The following ARMC3 variants were observed in gnomAD, a reference collection of about 807,000 sequenced individuals.
The protein encoded by ARMC3 is armadillo repeat-containing protein 3.
In ARMC3, 74 loss-of-function variants were observed where a neutral mutation model predicts 90.3. The ratio of observed to expected loss-of-function variants is 0.82; its 90% CI spans 0.68 to 0.99. ARMC3 has a LOEUF of 0.99. ARMC3 is among the 50% of genes least tolerant of loss of function. The pLI is 0.00. For synonymous variants in ARMC3, 334 were observed against 361.8 expected (o/e 0.92, Z 0.87); for missense variants, 958 against 1,042.8 (o/e 0.92, Z 1.12).
intron 3 of ARMC3, chr10:22,955,489 A>G (rs1362098836): frequency 5.0e-6 from 1 of 200,454 alleles, no homozygotes; most frequent in African/African-American, 2.3e-5. Flanking sequence ...TGACAAAAAT[A>G]CAGCAGGATA....
chr10:22,995,109 G>A (rs924177339), intron 10 of ARMC3, among the ~76,000 whole-genome samples: 16 of 152,100 alleles, frequency 1.1e-4, no homozygotes, highest in African/African-American at 3.6e-4. Flanking sequence ...TATACTATTT[G>A]GGAAACCAAA....
At chr10:22,937,178 C>T (rs1425870873) in intron 2 of ARMC3, among the ~76,000 whole-genome samples, 1 of 152,162 alleles carries the variant, frequency 6.6e-6, no homozygotes, top group East Asian at 1.9e-4. Context: ...GCTGTGATTA[C>T]AAGCATGACT....
rs1391614745 is a variant in ARMC3, at chr10:22,952,738, AG to A, written c.167-3068del. Reference sequence around the variant, plus strand: ...AAGGCAAGAAAGAAAGAAATCTGCAAGTCAGTATGCCTTATTAACATAGATG... The same window carrying A: ...AAGGCAAGAAAGAAAGAAATCTGCAATCAGTATGCCTTATTAACATAGATG... On this transcript the variant is annotated intron_variant, in intron 3 of 18. Coordinates refer to ENST00000298032, the MANE Select transcript of ARMC3 (RefSeq NM_173081.5). 7.2e-5 allele frequency among the ~76,000 whole-genome samples: 11 copies of A among 152,102 alleles called. No individual in the cohort carries two copies. The East Asian group carries it at 2.1e-3, about 29-fold the overall frequency.
chr10:23,004,700 T>C (rs780385976), intron 13 of ARMC3, among the ~76,000 whole-genome samples: 7 of 152,094 alleles, frequency 4.6e-5, no homozygotes, highest in Non-Finnish European at 7.4e-5. Context: ...CAGGAAGCAC[T>C]CCATCGTGGT....
intron 3 of ARMC3, among the ~76,000 whole-genome samples, chr10:22,950,043 G>T (rs183683594): frequency 7.2e-5 from 11 of 151,794 alleles, no homozygotes; most frequent in African/African-American, 2.2e-4. Context: ...CAGAAAAAAG[G>T]TCTTTCAAAA....
intron 17 of ARMC3, chr10:23,031,156 C>T (rs74428551): frequency 0.013 from 2,332 of 183,152 alleles, 51 homozygotes; most frequent in African/African-American, 0.051. Flanking sequence ...AGGAATCCTA[C>T]TGTGAATTAT....
At chr10:23,004,735 A>T (rs1162550830) in intron 13 of ARMC3, among the ~76,000 whole-genome samples, 1 of 152,162 alleles carries the variant, frequency 6.6e-6, no homozygotes, top group East Asian at 1.9e-4. Context: ...GAAAATTTGA[A>T]TAATTCAAAA....
rs191735050 is a variant in ARMC3, at chr10:22,938,698, G to A, written c.48+6654G>A. On this transcript the variant is annotated intron_variant, in intron 2 of 18. Transcript: ENST00000298032. ...ATCAAGCCTGAGCAATGGAGTGAAT[G>A]GAAGTACAACATACTGAAATAGACA... Among the ~76,000 whole-genome samples the A allele has an allele frequency of 1.1e-4, 17 of 152,198 alleles. No homozygotes were observed. In the East Asian group the frequency reaches 3.1e-3, roughly 28 times the overall value.
At chr10:22,959,677 C>A (rs1835109952) in intron 6 of ARMC3, 103 bp downstream of exon 6, 3 of 1,128,818 alleles carry the variant, frequency 2.7e-6, no homozygotes, top group Admixed American at 3.0e-5. Flanking sequence ...AGTTTTGCAT[C>A]ATCAGATCTT....
At chr10:22,949,890 AAAGAT>A (rs1265196676) in intron 3 of ARMC3, among the ~76,000 whole-genome samples, 2 of 152,158 alleles carry the variant, frequency 1.3e-5, no homozygotes, top group African/African-American at 4.8e-5. Context: ...ACATTCAAAT[AAAGAT>A]AAGGATGACA....
intron 16 of ARMC3, among the ~76,000 whole-genome samples, chr10:23,029,327 T>TG (rs1391114720): frequency 6.6e-6 from 1 of 152,198 alleles, no homozygotes; most frequent in East Asian, 1.9e-4. Context: ...ATTCAAATTT[T>TG]GTTCTTCTCT....
rs763983427 is a variant in ARMC3, at chr10:23,038,144, T to A, written c.*665T>A. 2 of 152,248 alleles carry A rather than the reference T, an allele frequency of 1.3e-5. No individual in the cohort carries two copies. The highest frequency in any genetic ancestry group is 2.9e-5 in the Non-Finnish European group (2 of 68,046). The allele number at this position is 152,248 out of a possible 1,614,324, so 9.4% of individuals were successfully genotyped here. A position where few individuals can be genotyped will look rare whatever the true frequency, so the allele number is the denominator to read the frequency against. ...CCTTCAGCTAAAAACAATTCTGATT[T>A]GCTCTTCCACATTTTAATGCTGGGC... On this transcript the variant is annotated 3_prime_UTR_variant, in exon 19 of 19. Coordinates refer to ENST00000298032, the MANE Select transcript of ARMC3 (RefSeq NM_173081.5).
At chr10:23,035,098 G>A (rs544741763) in intron 18 of ARMC3, among the ~76,000 whole-genome samples, 1 of 152,296 alleles carries the variant, frequency 6.6e-6, no homozygotes, top group Admixed American at 6.5e-5. Flanking sequence ...AGCAGATTCA[G>A]TGTCTACTGA....
chr10:22,954,087 C>T (rs117748535), intron 3 of ARMC3, among the ~76,000 whole-genome samples: 16 of 152,172 alleles, frequency 1.1e-4, no homozygotes, highest in East Asian at 3.9e-4. Context: ...TATCTCATTG[C>T]GGTTTTAATT....
chr10:23,006,773 T>C, intron 13 of ARMC3, 111 bp from the exon 14 acceptor site: 2 of 819,326 alleles, frequency 2.4e-6, no homozygotes, highest in Non-Finnish European at 2.1e-6. Context: ...TGTGTGTTTG[T>C]GTGTGTGAAA....
intron 8 of ARMC3, among the ~76,000 whole-genome samples, chr10:22,972,329 C>A (rs559497147): frequency 1.3e-5 from 2 of 152,190 alleles, no homozygotes; most frequent in East Asian, 3.9e-4. Context: ...ATATTTAGGT[C>A]TTGATCCATT....
In ARMC3 at chr10:22,968,487, A is replaced by G. The variant is rs533968216; in HGVS notation, c.914A>G (p.Asp305Gly). Residue 305 changes from aspartate to glycine, a missense_variant and splice_region_variant, in exon 8 of 19, where the codon GAT (aspartate) becomes GGT (glycine). Physicochemically the swap from Asp to Gly is moderately conservative, Grantham distance 94 (BLOSUM62 -1). Transcript: ENST00000298032. ...AAAGCCATTACTAAAGCAGCTTATG[A>G]TCGTATGTCTCATTTTATTTTATTT... ...AAKAITKAAY[D>G]PENRKLFHEQ... The G allele has an allele frequency of 6.4e-7, 1 of 1,571,194 alleles. No homozygotes were observed. Among genetic ancestry groups the G allele is most frequent in the African/African-American group, 1.4e-5 (1 of 72,624 alleles).
At chr10:23,002,618 T>G (rs1251935978) in intron 12 of ARMC3, among the ~76,000 whole-genome samples, 1 of 151,800 alleles carries the variant, frequency 6.6e-6, no homozygotes, top group Non-Finnish European at 1.5e-5. Flanking sequence ...TCTTTTTTTT[T>G]TTGGCAGAGT....
chr10:22,939,918 A>T (rs866181477), intron 2 of ARMC3, among the ~76,000 whole-genome samples: 1 of 152,220 alleles, frequency 6.6e-6, no homozygotes, highest in Non-Finnish European at 1.5e-5. Flanking sequence ...AAGATGATCA[A>T]TTAAGACCCA....
Sources: gnomAD v4.1 joint callset for allele counts (sites outside exome capture counted in the v4.1 genomes callset) on GRCh38, gnomAD v4.1.1 for gene constraint, MANE v1.5 for transcripts, NCBI Gene and HGNC (gene_info 2026-07-23, HGNC 2026-07-21) for gene names.